The following ZMAT4 variants were observed in gnomAD, a reference collection of about 807,000 sequenced individuals.
The protein encoded by ZMAT4 is zinc finger matrin-type 4, also known as zinc finger matrin-type protein 4.
A neutral mutation model predicts 28.7 loss-of-function variants in ZMAT4; 17 were observed. The ratio of observed to expected loss-of-function variants is 0.59; its 90% CI spans 0.41 to 0.89. The LOEUF (loss-of-function observed/expected upper bound fraction) is 0.89. Ranked by LOEUF, ZMAT4 falls within the 40% of genes least tolerant of loss-of-function variation. ZMAT4 has a pLI of 0.00. For missense variants in ZMAT4, 240 were observed against 283.8 expected (o/e 0.85, Z 1.11); for synonymous variants, 117 against 109.2 (o/e 1.07, Z -0.44).
chr8:40,876,592 G>A (rs1385062629), intron 1 of ZMAT4, among the ~76,000 whole-genome samples: 1 of 152,146 alleles, frequency 6.6e-6, no homozygotes, highest in Non-Finnish European at 1.5e-5. Context: ...TGGGGTTATA[G>A]GCATGAGCCA....
chr8:40,677,635 G>C (rs1808966606), intron 4 of ZMAT4, among the ~76,000 whole-genome samples: 1 of 152,156 alleles, frequency 6.6e-6, no homozygotes, highest in African/African-American at 2.4e-5. Flanking sequence ...AATTATGTGG[G>C]AGGAGAGCAG....
chr8:40,873,404 A>C (rs1279609239), intron 1 of ZMAT4, among the ~76,000 whole-genome samples: 3 of 152,198 alleles, frequency 2.0e-5, no homozygotes, highest in Non-Finnish European at 4.4e-5. Context: ...AGATGTTTCC[A>C]AATCAACGAC....
intron 3 of ZMAT4, among the ~76,000 whole-genome samples, chr8:40,708,547 TAC>T (rs1204668862): frequency 2.2e-5 from 3 of 135,666 alleles, no homozygotes; most frequent in Non-Finnish European, 1.6e-5. Flanking sequence ...TATGCTACAC[TAC>T]ACACACACAC....
chr8:40,888,278 T>A (rs1001744230), intron 1 of ZMAT4, among the ~76,000 whole-genome samples: 3 of 152,220 alleles, frequency 2.0e-5, no homozygotes, highest in African/African-American at 7.2e-5. Flanking sequence ...GCTCATTCCA[T>A]GCCTGGCTAT....
intron 5 of ZMAT4, among the ~76,000 whole-genome samples, chr8:40,633,382 G>A (rs1402099565): frequency 6.6e-6 from 1 of 152,200 alleles, no homozygotes; most frequent in Non-Finnish European, 1.5e-5. Context: ...GTGGGAAAGT[G>A]ACACATGCGA....
chr8:40,602,700 C>T (rs1440959514), intron 5 of ZMAT4, among the ~76,000 whole-genome samples: 1 of 151,940 alleles, frequency 6.6e-6, no homozygotes, highest in Non-Finnish European at 1.5e-5. Flanking sequence ...ATGTCCTTAG[C>T]CCACTTTTTG....
In ZMAT4 at chr8:40,640,193, G is replaced by T. The variant is rs57437612; in HGVS notation, c.577+34511C>A. Among the ~76,000 whole-genome samples the T allele has an allele frequency of 3.3e-5, 5 of 152,198 alleles. No individual in the cohort carries two copies. The East Asian group carries it at 9.7e-4, about 29-fold the overall frequency. ...AAGTCTCCCTAAGCTGTCCAGGCTG[G>T]TCTTGAATTCCTGGGCCCAAGCAAT... On this transcript the variant is annotated intron_variant, in intron 5 of 6. Transcript: ENST00000297737.
At chr8:40,798,702 G>A (rs927178243) in intron 2 of ZMAT4, among the ~76,000 whole-genome samples, 2 of 152,120 alleles carry the variant, frequency 1.3e-5, no homozygotes, top group South Asian at 2.1e-4. Flanking sequence ...AGCAGCACTC[G>A]GCTGAGATTA....
intron 3 of ZMAT4, among the ~76,000 whole-genome samples, chr8:40,763,408 T>C (rs1813016426): frequency 6.6e-6 from 1 of 152,170 alleles, no homozygotes; most frequent in African/African-American, 2.4e-5. Flanking sequence ...GTGGGGACAG[T>C]GACAACTCCT....
At chr8:40,597,836 A>C (rs568031850) in intron 5 of ZMAT4, among the ~76,000 whole-genome samples, 31 of 152,352 alleles carry the variant, frequency 2.0e-4, no homozygotes, top group Admixed American at 1.9e-3. Context: ...CTTAATCTTT[A>C]GAGAAGTATC....
chr8:40,672,573 G>T (rs1225287967), intron 5 of ZMAT4, among the ~76,000 whole-genome samples: 1 of 152,114 alleles, frequency 6.6e-6, no homozygotes, highest in African/African-American at 2.4e-5. Flanking sequence ...AAATGTTACA[G>T]AATTCAGACA....
chr8:40,745,538 T>A (rs542577745), intron 3 of ZMAT4, among the ~76,000 whole-genome samples: 22 of 152,266 alleles, frequency 1.4e-4, no homozygotes, highest in African/African-American at 5.1e-4. Flanking sequence ...TTAGTATAAA[T>A]GAGTTTACAA....
At chr8:40,618,940 T>G (rs145296281) in intron 5 of ZMAT4, among the ~76,000 whole-genome samples, 8 of 152,270 alleles carry the variant, frequency 5.3e-5, no homozygotes, top group Admixed American at 1.3e-4. Flanking sequence ...TAAGTTTAAG[T>G]GTCTAGTGAA....
At chr8:40,600,020 T>A (rs1399358755) in intron 5 of ZMAT4, among the ~76,000 whole-genome samples, 1 of 152,218 alleles carries the variant, frequency 6.6e-6, no homozygotes, top group Non-Finnish European at 1.5e-5. Flanking sequence ...TGCATGTCCC[T>A]GTTCGAACTA....
At chr8:40,758,619 A>G (rs4341150) in intron 3 of ZMAT4, among the ~76,000 whole-genome samples, 2 of 152,094 alleles carry the variant, frequency 1.3e-5, no homozygotes, top group East Asian at 1.9e-4. Context: ...ACAGCACACA[A>G]AAAAATTACT....
chr8:40,674,074 T>A (rs919053118), intron 5 of ZMAT4, among the ~76,000 whole-genome samples: 1 of 148,012 alleles, frequency 6.8e-6, no homozygotes, highest in African/African-American at 2.5e-5. Flanking sequence ...TTGGCCTTTT[T>A]ATCATCTTTT....
chr8:40,611,016 C>T (rs1390016882), intron 5 of ZMAT4, among the ~76,000 whole-genome samples: 1 of 151,636 alleles, frequency 6.6e-6, no homozygotes, highest in Non-Finnish European at 1.5e-5. Context: ...ACCCGAGTGG[C>T]ATCTGCGAGT....
chr8:40,872,443 C>G (rs981662638), intron 1 of ZMAT4, among the ~76,000 whole-genome samples: 14 of 152,192 alleles, frequency 9.2e-5, no homozygotes, highest in African/African-American at 3.4e-4. Flanking sequence ...GTACCCCCCC[C>G]AACCCTGGAG....
chr8:40,794,904 A>C (rs548520327), intron 2 of ZMAT4, among the ~76,000 whole-genome samples: 1 of 152,222 alleles, frequency 6.6e-6, no homozygotes, highest in Admixed American at 6.5e-5. Flanking sequence ...GCATTGGGCA[A>C]AAGTGGCAAA....
Sources: gnomAD v4.1 joint callset for allele counts (sites outside exome capture counted in the v4.1 genomes callset) on GRCh38, gnomAD v4.1.1 for gene constraint, MANE v1.5 for transcripts, NCBI Gene and HGNC (gene_info 2026-07-23, HGNC 2026-07-21) for gene names.